ARAP2: variants seen among roughly 807,000 people sequenced by gnomAD.
ARAP2 encodes the protein arf-GAP with Rho-GAP domain, ANK repeat and PH domain-containing protein 2.
In ARAP2, 148 loss-of-function variants were observed where a neutral mutation model predicts 194.5. That is an observed-to-expected ratio of 0.76 (90% CI 0.67 to 0.87). The LOEUF is 0.87. ARAP2 is among the 40% of genes least tolerant of loss of function. The pLI is 0.00. For synonymous variants in ARAP2, 695 were observed against 683.5 expected, an observed-to-expected ratio of 1.02 and a Z score of -0.26; for missense variants, 2,128 against 1,989.7, an observed-to-expected ratio of 1.07 and a Z score of -1.32.
At position 36,080,223 on chromosome 4, in the gene ARAP2, A is replaced by G. The variant is rs755367747; in HGVS notation, c.4601T>C (p.Ile1534Thr). 74 of 1,612,794 alleles carry G rather than the reference A, an allele frequency of 4.6e-5. No homozygotes were observed. In the South Asian group the frequency reaches 7.4e-4, roughly 16 times the overall value. ...TQTEWMTSIF[I>T]AQHEYDIWPP... ...TTCAAACAAATCTCGTACCTGGGCA[A>G]TAAAGATACTGGTCATCCACTCCGT... The change falls in exon 31 of 33, where the codon ATT (isoleucine) becomes ACT (threonine). Residue 1534 changes from isoleucine to threonine, a missense_variant. Physicochemically the swap from Ile to Thr is moderately conservative, Grantham distance 89 (BLOSUM62 -1). Transcript: ENST00000303965.
rs144861366 is a variant in ARAP2 at position 36,009,283 on chromosome 4, T to C, written n.1326-2237A>G. Among the ~76,000 whole-genome samples, 5 of 152,222 alleles carry C rather than the reference T, an allele frequency of 3.3e-5. No individual in the cohort carries two copies. In the East Asian group the frequency reaches 9.6e-4, roughly 29 times the overall value. ...TTCACAATAACAAATACATAGAATC[T>C]ACCCAGGTGTCCATGAACAGTAGAT... On this transcript the variant is annotated intron_variant and non_coding_transcript_variant, in intron 9 of 12. Coordinates refer to the ARAP2 transcript ENST00000503225.
intron 19 of ARAP2, among the ~76,000 whole-genome samples, chr4:36,139,729 A>G (rs1310293457): frequency 2.6e-5 from 4 of 151,564 alleles, no homozygotes; most frequent in Non-Finnish European, 5.9e-5. Flanking sequence ...CACAAATTTG[A>G]TGTTATGATT....
intron 5 of ARAP2, among the ~76,000 whole-genome samples, chr4:36,037,854 A>G (rs1349394667): frequency 1.3e-5 from 2 of 152,150 alleles, no homozygotes; most frequent in Non-Finnish European, 1.5e-5. Context: ...CTTGCAGTGG[A>G]TTTTATGATT....
chr4:36,111,350 C>T (rs558505082), intron 26 of ARAP2, among the ~76,000 whole-genome samples: 1 of 151,912 alleles, frequency 6.6e-6, no homozygotes, highest in Non-Finnish European at 1.5e-5. Context: ...CACACATGTT[C>T]CACTGGCTTC....
chr4:36,222,126 C>A (rs1429099017), intron 2 of ARAP2, among the ~76,000 whole-genome samples: 2 of 152,110 alleles, frequency 1.3e-5, no homozygotes, highest in Non-Finnish European at 2.9e-5. Context: ...TGTTCTTACA[C>A]TTGTATGATG....
chr4:36,012,740 G>A (rs1714785108), exon 9 of ARAP2: 1 of 152,152 alleles, frequency 6.6e-6, no homozygotes, highest in African/African-American at 2.4e-5. Flanking sequence ...AGATTCCAGG[G>A]TTACAGAGCA....
chr4:36,007,031 G>C (rs949555496), exon 10 of ARAP2: 3 of 151,974 alleles, frequency 2.0e-5, no homozygotes, highest in Non-Finnish European at 4.4e-5. Context: ...CTGGGTGACA[G>C]AAGGAGTCCT....
chr4:36,145,216 G>A (rs1729359961), intron 19 of ARAP2, among the ~76,000 whole-genome samples: 2 of 151,860 alleles, frequency 1.3e-5, no homozygotes, highest in Admixed American at 1.3e-4. Flanking sequence ...CTACCAAAAA[G>A]ACACCTGAAC....
intron 2 of ARAP2, among the ~76,000 whole-genome samples, chr4:36,053,916 G>A (rs916892638): frequency 1.3e-5 from 2 of 152,154 alleles, no homozygotes; most frequent in African/African-American, 4.8e-5. Context: ...TACCAGCCGT[G>A]TAGTAGATAC....
chr4:36,224,812 G>A (rs1042083984), intron 2 of ARAP2, among the ~76,000 whole-genome samples: 1 of 152,036 alleles, frequency 6.6e-6, no homozygotes, highest in African/African-American at 2.4e-5. Flanking sequence ...AAATCAAAAT[G>A]TTAAGATTGC....
At chr4:36,022,314 T>C (rs748388211) in intron 5 of ARAP2, among the ~76,000 whole-genome samples, 16 of 152,102 alleles carry the variant, frequency 1.1e-4, no homozygotes, top group Non-Finnish European at 2.2e-4. Context: ...TGTAGGTGGC[T>C]GTTATGAAGT....
intron 19 of ARAP2, among the ~76,000 whole-genome samples, chr4:36,144,341 C>T (rs751232354): frequency 2.0e-5 from 3 of 151,796 alleles, no homozygotes; most frequent in Non-Finnish European, 4.4e-5. Flanking sequence ...AGTTAGTAGG[C>T]ATTCCATAAA....
Position 36,162,119 on chromosome 4 carries a change from AAAAG to A in ARAP2, c.2174-573_2174-570del, listed in dbSNP as rs1323967936. On this transcript the variant is annotated intron_variant, in intron 11 of 32. Coordinates refer to ENST00000303965, the MANE Select transcript of ARAP2 (RefSeq NM_015230.4). The stretch of plus-strand genomic sequence containing the variant: ...CGAGACTCCGTCTCAAAAAAAAAAA[AAAAG>A]AACTACACTTACTTAAATATATATA... 3.6e-5 allele frequency among the ~76,000 whole-genome samples: 5 copies of A among 137,682 alleles called. No homozygotes were observed. The East Asian group carries it at 6.4e-4, about 18-fold the overall frequency. 90.3% of individuals were successfully genotyped at this position (137,682 alleles called of 152,430 possible). A position where few individuals can be genotyped will look rare whatever the true frequency, so the allele number is the denominator to read the frequency against.
In ARAP2 at chr4:36,221,246, C is replaced by G. The variant is rs1203588599; in HGVS notation, c.906-6766G>C. 2.6e-5 allele frequency among the ~76,000 whole-genome samples: 4 copies of G among 151,854 alleles called. No individual in the cohort carries two copies. The South Asian group carries it at 6.2e-4, about 24-fold the overall frequency. The stretch of plus-strand genomic sequence containing the variant: ...TTGTGTAAGTACATCCCATGATGTC[C>G]AAATAAGGACAAAAGCACCTAATGG... On this transcript the variant is annotated intron_variant, in intron 2 of 32. Coordinates refer to ENST00000303965, the MANE Select transcript of ARAP2 (RefSeq NM_015230.4).
chr4:36,169,797 G>T (rs1736188992), intron 9 of ARAP2, among the ~76,000 whole-genome samples: 1 of 152,184 alleles, frequency 6.6e-6, no homozygotes, highest in African/African-American at 2.4e-5. Flanking sequence ...CTCCCAAAGT[G>T]CTGGGATTGC....
intron 5 of ARAP2, among the ~76,000 whole-genome samples, chr4:36,038,088 G>A: frequency 6.6e-6 from 1 of 152,144 alleles, no homozygotes; most frequent in East Asian, 1.9e-4. Flanking sequence ...GGAGTCAAGT[G>A]AATAACATTA....
chr4:36,201,547 T>C (rs1015887669), intron 6 of ARAP2, among the ~76,000 whole-genome samples: 3 of 152,218 alleles, frequency 2.0e-5, no homozygotes, highest in Non-Finnish European at 4.4e-5. Flanking sequence ...TTATTAGACT[T>C]GTGCAGTATT....
chr4:36,171,699 C>T (rs1407470564), intron 9 of ARAP2, among the ~76,000 whole-genome samples: 2 of 151,768 alleles, frequency 1.3e-5, no homozygotes, highest in Non-Finnish European at 2.9e-5. Flanking sequence ...TAAAAGAATG[C>T]CTGGCATGCA....
intron 31 of ARAP2, among the ~76,000 whole-genome samples, chr4:36,074,358 T>C (rs1346784049): frequency 3.3e-5 from 5 of 152,148 alleles, no homozygotes; most frequent in African/African-American, 1.2e-4. Flanking sequence ...TCAACATCTT[T>C]ACTGAAAATC....
Sources: gnomAD v4.1 joint callset for allele counts (sites outside exome capture counted in the v4.1 genomes callset) on GRCh38, gnomAD v4.1.1 for gene constraint, MANE v1.5 for transcripts, NCBI Gene and HGNC (gene_info 2026-07-23, HGNC 2026-07-21) for gene names.